The following POGLUT1 variants were observed in gnomAD, a reference collection of about 807,000 sequenced individuals.
POGLUT1 encodes the protein 9630046K23Rik.
POGLUT1 carries 32 observed loss-of-function variants against 61.3 expected under a neutral mutation model. The ratio of observed to expected loss-of-function variants is 0.52; its 90% CI spans 0.39 to 0.70. POGLUT1 has a LOEUF of 0.70. Ranked by LOEUF, POGLUT1 falls within the 30% of genes least tolerant of loss-of-function variation. The probability of loss-of-function intolerance (pLI) is 0.00; values close to 1 mark genes in which losing one functional copy is unlikely to be tolerated. For missense variants in POGLUT1, 411 were observed against 469.8 expected, an observed-to-expected ratio of 0.87 and a Z score of 1.16; for synonymous variants, 158 against 158.2, an observed-to-expected ratio of 1.00 and a Z score of 0.01.
chr3:119,490,623 T>C lies in POGLUT1; in HGVS notation c.870T>C (p.Val290=), dbSNP rs1343370652. The change falls in exon 9 of 11, where the codon GTT becomes GTC. Residue 290 remains valine, a synonymous_variant. Transcript: ENST00000295588. ...ACCTCTTCCTGTGTGGCTCACTTGT[T>C]TTCCATGTTGGTGATGAGTGGCTAG... ...FKHLFLCGSL[V]FHVGDEWLEF... 2.5e-6 allele frequency: 4 copies of C among 1,614,054 alleles called. No homozygotes were observed. The highest frequency in any genetic ancestry group is 2.7e-5 in the African/African-American group (2 of 74,936).
Position 119,469,837 on chromosome 3 carries a change from T to G in POGLUT1, c.103T>G (p.Phe35Val). The G allele has an allele frequency of 6.3e-7, 1 of 1,599,688 alleles. No homozygotes were observed. Among genetic ancestry groups the G allele is most frequent in the Non-Finnish European group, 8.6e-7 (1 of 1,167,000 alleles). ...QKESGSKWKV[F>V]IDQINRSLEN... ...TTTTAAAGGTTCAAAATGGAAAGTATTTATTGACCAAATTAACAGGTCTTT... is the reference window on the plus strand; with the variant it reads ...TTTTAAAGGTTCAAAATGGAAAGTAGTTATTGACCAAATTAACAGGTCTTT... Residue 35 changes from phenylalanine to valine, a missense_variant, in exon 2 of 11, where the codon TTT (phenylalanine) becomes GTT (valine). Transcript: ENST00000295588.
rs761544019 is a variant in POGLUT1 at position 119,469,820 on chromosome 3, G to T, written c.86G>T (p.Gly29Val). 6.4e-7 allele frequency: 1 copy of T among 1,567,760 alleles called. No individual in the cohort carries two copies. The highest frequency in any genetic ancestry group is 8.8e-7 in the Non-Finnish European group (1 of 1,138,488). ...CTCTCATTTACTTCACTTTTTAAAG[G>T]TTCAAAATGGAAAGTATTTATTGAC... ...PSAQGRQKES[G>V]SKWKVFIDQI... The change falls in exon 2 of 11, where the codon GGT becomes GTT. Residue 29 changes from glycine to valine, a missense_variant and splice_region_variant. Gly to Val is a moderately radical substitution (Grantham distance 109). Coordinates refer to ENST00000295588, the MANE Select transcript of POGLUT1 (RefSeq NM_152305.3).
intron 5 of POGLUT1, among the ~76,000 whole-genome samples, chr3:119,484,249 A>C (rs1467856386): frequency 6.6e-6 from 1 of 152,196 alleles, no homozygotes; most frequent in African/African-American, 2.4e-5. Context: ...GAGCAGCATG[A>C]CATTATATGT....
intron 10 of POGLUT1, among the ~76,000 whole-genome samples, chr3:119,491,776 C>T (rs776909162): frequency 3.3e-5 from 5 of 152,252 alleles, no homozygotes; most frequent in Non-Finnish European, 7.4e-5. Flanking sequence ...AAAGATGGGC[C>T]GGGCGTGGTG....
At chr3:119,473,382 T>C (rs903460867) in intron 3 of POGLUT1, among the ~76,000 whole-genome samples, 4 of 151,606 alleles carry the variant, frequency 2.6e-5, no homozygotes, top group African/African-American at 9.7e-5. Context: ...GGCACAATTC[T>C]CTTCTTCCTG....
intron 3 of POGLUT1, among the ~76,000 whole-genome samples, chr3:119,476,165 A>T (rs761151468): frequency 3.3e-5 from 5 of 151,988 alleles, no homozygotes; most frequent in Non-Finnish European, 4.4e-5. Flanking sequence ...TGCCTCAAAT[A>T]AAAAAAACCT....
At chr3:119,484,632 C>T (rs939806765) in intron 5 of POGLUT1, among the ~76,000 whole-genome samples, 19 of 152,184 alleles carry the variant, frequency 1.2e-4, no homozygotes, top group Admixed American at 2.6e-4. Flanking sequence ...CCTTTCATTC[C>T]ATTTCTGATG....
rs982518266 is a variant in POGLUT1, at chr3:119,469,928, A to G, written c.176+18A>G. 5 of 1,458,604 alleles carry G rather than the reference A, an allele frequency of 3.4e-6. No individual in the cohort carries two copies. Among genetic ancestry groups the G allele is most frequent in the Non-Finnish European group, 9.6e-7 (1 of 1,038,806 alleles). 90.4% of individuals were successfully genotyped at this position (1,458,604 alleles called of 1,614,324 possible). ...TACCATGGGTGAGTTCTTTTCTTTG[A>G]TGTGTCTTTGAGAGTTTAGTTGCTG... On this transcript the variant is annotated intron_variant, in intron 2 of 10. Transcript: ENST00000295588.
At chr3:119,491,438 C>A in intron 9 of POGLUT1, 80 bp from the exon 10 acceptor site, 1 of 630,398 alleles carries the variant, frequency 1.6e-6, no homozygotes, top group Non-Finnish European at 2.8e-6. Context: ...TATCCATAGA[C>A]CTCAATCTAT....
chr3:119,487,543 C>T (rs769235190), intron 7 of POGLUT1, among the ~76,000 whole-genome samples: 7 of 152,032 alleles, frequency 4.6e-5, no homozygotes, highest in Admixed American at 1.3e-4. Context: ...GCCGAGATCA[C>T]GCCATTGCAC....
At chr3:119,491,352 T>G (rs1030340343) in intron 9 of POGLUT1, among the ~76,000 whole-genome samples, 166 bp from the exon 10 acceptor site, 3 of 151,274 alleles carry the variant, frequency 2.0e-5, no homozygotes, top group African/African-American at 7.3e-5. Flanking sequence ...GGTTTTTTTT[T>G]GTTATTATTT....
At chr3:119,486,034 C>T (rs1044334807) in intron 6 of POGLUT1, among the ~76,000 whole-genome samples, 1 of 152,190 alleles carries the variant, frequency 6.6e-6, no homozygotes, top group East Asian at 1.9e-4. Context: ...GCAAGTGAGT[C>T]CTTGCCAGAG....
At chr3:119,478,471 C>G (rs1258562670) in intron 4 of POGLUT1, 1 of 455,490 alleles carries the variant, frequency 2.2e-6, no homozygotes, top group Admixed American at 2.4e-5. Flanking sequence ...ATAGAGGCTC[C>G]CATGTAAGTC....
Position 119,471,417 on chromosome 3 carries a change from A to T in POGLUT1, c.285A>T (p.Arg95Ser), listed in dbSNP as rs1560029704. The change falls in exon 3 of 11, where the codon AGA (arginine) becomes AGT (serine). Residue 95 changes from arginine (R) to serine (S), a missense_variant. Physicochemically the swap from Arg to Ser is moderately radical, Grantham distance 110. Coordinates refer to ENST00000295588, the MANE Select transcript of POGLUT1 (RefSeq NM_152305.3). ...CCCACTATCAGATCACTAAGAACAG[A>T]CTGTACCGGGAAAATGACTGCATGT... ...LGTHYQITKN[R>S]LYRENDCMFP... 1 of 1,614,078 alleles carries T rather than the reference A, an allele frequency of 6.2e-7. No homozygotes were observed. The highest frequency in any genetic ancestry group is 8.5e-7 in the Non-Finnish European group (1 of 1,179,936).
chr3:119,480,052 C>T lies in POGLUT1; in HGVS notation c.458C>T (p.Thr153Ile). 1.2e-6 allele frequency: 2 copies of T among 1,613,554 alleles called. No individual in the cohort carries two copies. The highest frequency in any genetic ancestry group is 1.7e-6 in the Non-Finnish European group (2 of 1,179,708). The change falls in exon 5 of 11, where the codon ACA becomes ATA. Residue 153 changes from threonine (T) to isoleucine (I), a missense_variant and splice_region_variant. Transcript: ENST00000295588. ...ACGACCTGTCTGTTTTTGTTGAAGA[C>T]ATCAGAGTACCATGATATCATGTAT... is the stretch of plus-strand genomic sequence containing the variant. Reference protein sequence around the residue: ...PAIPVFSFSKTSEYHDIMYPA... With the variant: ...PAIPVFSFSKISEYHDIMYPA...
intron 3 of POGLUT1, among the ~76,000 whole-genome samples, chr3:119,471,981 A>G (rs912954687): frequency 2.6e-5 from 4 of 152,200 alleles, no homozygotes; most frequent in Non-Finnish European, 5.9e-5. Context: ...ATAATACAAC[A>G]GAGTGAGACC....
At chr3:119,475,484 G>C (rs979202944) in intron 3 of POGLUT1, among the ~76,000 whole-genome samples, 36 of 152,296 alleles carry the variant, frequency 2.4e-4, no homozygotes, top group African/African-American at 8.7e-4. Flanking sequence ...ATTCCTAAAA[G>C]TATAATAACT....
In POGLUT1 at chr3:119,469,292, C is replaced by T. The variant is rs1359439633; in HGVS notation, c.85+186C>T. On this transcript the variant is annotated intron_variant, in intron 1 of 10. Transcript: ENST00000295588. ...CCGGGGTCTCTGCTCCTGCTCTGGACCCTGGAGAGTAACCCATTCCCCGGA... is the reference window on the plus strand; with the variant it reads ...CCGGGGTCTCTGCTCCTGCTCTGGATCCTGGAGAGTAACCCATTCCCCGGA... The T allele has an allele frequency of 6.7e-6, 4 of 601,426 alleles. 1 individual carries two copies. The South Asian group carries it at 7.8e-5, about 12-fold the overall frequency. 37.3% of individuals were successfully genotyped at this position (601,426 alleles called of 1,614,324 possible). A position where few individuals can be genotyped will look rare whatever the true frequency, so the allele number is the denominator to read the frequency against.
intron 6 of POGLUT1, among the ~76,000 whole-genome samples, chr3:119,485,832 A>C (rs1321374498): frequency 3.3e-5 from 5 of 152,214 alleles, no homozygotes; most frequent in Non-Finnish European, 7.3e-5. Flanking sequence ...ACAGACTGAG[A>C]CTGCTGAAAA....
Sources: gnomAD v4.1 joint callset for allele counts (sites outside exome capture counted in the v4.1 genomes callset) on GRCh38, gnomAD v4.1.1 for gene constraint, MANE v1.5 for transcripts, NCBI Gene and HGNC (gene_info 2026-07-23, HGNC 2026-07-21) for gene names.